The following SLC8B1 variants were observed in gnomAD, a reference collection of about 807,000 sequenced individuals.
The protein encoded by SLC8B1 is mitochondrial sodium/calcium exchanger protein.
A neutral mutation model predicts 63.4 loss-of-function variants in SLC8B1; 52 were observed. The ratio of observed to expected loss-of-function variants is 0.82; its 90% CI spans 0.66 to 1.03. SLC8B1 has a LOEUF of 1.03. Ranked by LOEUF, SLC8B1 falls within the 50% of genes least tolerant of loss-of-function variation. The pLI, the probability that SLC8B1 is intolerant of heterozygous loss-of-function variation, is 0.00. For missense variants in SLC8B1, 657 were observed against 741.7 expected (o/e 0.89, Z 1.33); for synonymous variants, 336 against 323.9 (o/e 1.04, Z -0.40).
intron 11 of SLC8B1, among the ~76,000 whole-genome samples, chr12:113,314,840 T>A (rs900590446): frequency 6.6e-6 from 1 of 152,196 alleles, no homozygotes; most frequent in African/African-American, 2.4e-5. Flanking sequence ...GCAGCCTCCA[T>A]CTGGGGCCAG....
intron 12 of SLC8B1, 33 bp downstream of exon 12, chr12:113,310,201 C>G (rs750516701): frequency 4.4e-6 from 7 of 1,593,786 alleles, no homozygotes; most frequent in South Asian, 1.1e-5. Flanking sequence ...CAGCATCCCT[C>G]CCCCCCCATC....
At chr12:113,325,565 ATT>A (rs57635916) in intron 2 of SLC8B1, among the ~76,000 whole-genome samples, 72 of 140,098 alleles carry the variant, frequency 5.1e-4, no homozygotes, top group African/African-American at 1.5e-3. Flanking sequence ...CCTGGCCTTA[ATT>A]TTTTTTTTTT....
intron 2 of SLC8B1, among the ~76,000 whole-genome samples, chr12:113,328,026 ATTT>A (rs542935929): frequency 0.11 from 16,934 of 147,312 alleles, 1,107 homozygotes; most frequent in African/African-American, 0.19. Context: ...AGTTTTAATT[ATTT>A]ATTTATTTAT....
rs747187895 is a variant in SLC8B1 at position 113,332,896 on chromosome 12, G to A, written c.-18C>T. 1.2e-6 allele frequency: 2 copies of A among 1,612,400 alleles called. No homozygotes were observed. Among genetic ancestry groups the A allele is most frequent in the East Asian group, 4.5e-5 (2 of 44,878 alleles). On this transcript the variant is annotated 5_prime_UTR_variant, in exon 2 of 16. Transcript: ENST00000680972. ...CCGGCCATCTGCCCCCACGGGGCCT[G>A]GCCCTTACTCTCCACTTCCCTTTCT...
intron 2 of SLC8B1, among the ~76,000 whole-genome samples, chr12:113,329,034 A>G (rs1957028137): frequency 6.6e-6 from 1 of 151,986 alleles, no homozygotes; most frequent in African/African-American, 2.4e-5. Context: ...TACAGGTGTG[A>G]GCCACCGCAC....
intron 8 of SLC8B1, among the ~76,000 whole-genome samples, chr12:113,318,067 G>A (rs994104588): frequency 6.6e-6 from 1 of 152,092 alleles, no homozygotes; most frequent in African/African-American, 2.4e-5. Flanking sequence ...TGTTGCATGT[G>A]TGCATATATT....
intron 2 of SLC8B1, among the ~76,000 whole-genome samples, chr12:113,321,778 C>T (rs917429848): frequency 2.1e-5 from 3 of 140,330 alleles, no homozygotes; most frequent in African/African-American, 8.9e-5. Context: ...TTGCTTTTAC[C>T]ATTATATATA....
intron 2 of SLC8B1, among the ~76,000 whole-genome samples, chr12:113,332,283 T>G (rs1044919178): frequency 1.8e-4 from 27 of 152,192 alleles, no homozygotes; most frequent in Non-Finnish European, 8.8e-5. Context: ...CTCTTTTTTT[T>G]GTTGTTGAGA....
intron 8 of SLC8B1, among the ~76,000 whole-genome samples, chr12:113,318,100 A>T (rs1309158028): frequency 6.6e-6 from 1 of 151,462 alleles, no homozygotes; most frequent in East Asian, 1.9e-4. Context: ...ATGTGTGCGC[A>T]TGTTTGTATA....
In SLC8B1 at chr12:113,299,988, AG is replaced by A; in HGVS notation, c.1558-15del. On this transcript the variant is annotated splice_polypyrimidine_tract_variant and intron_variant, in intron 15 of 15. Transcript: ENST00000680972. ...GTCTGGCTCCAGCTGTGGAAGAATG[AG>A]GGGAGAGAGGCTGAGTCACTGCCCG... 3 of 1,611,146 alleles carry A rather than the reference AG, an allele frequency of 1.9e-6. No homozygotes were observed. Among genetic ancestry groups the A allele is most frequent in the Middle Eastern group, 4.1e-4 (2 of 4,850 alleles).
At chr12:113,307,912 C>A in intron 12 of SLC8B1, 68 bp from the exon 13 acceptor site, 1 of 1,554,886 alleles carries the variant, frequency 6.4e-7, no homozygotes. Flanking sequence ...CAGTTCCTCA[C>A]CTGTGAAACG....
Position 113,315,528 on chromosome 12 carries a change from G to A in SLC8B1, c.994-52C>T, listed in dbSNP as rs1267185307. The A allele has an allele frequency of 1.2e-5, 18 of 1,489,804 alleles. No individual in the cohort carries two copies. In the Admixed American group the frequency reaches 1.8e-4, roughly 15 times the overall value. 92.3% of individuals were successfully genotyped at this position (1,489,804 alleles called of 1,614,324 possible). A position where few individuals can be genotyped will look rare whatever the true frequency, so the allele number is the denominator to read the frequency against. ...TGTCGGCAGGGAAGTCTGAATCCCA[G>A]CCGGCCACAGATGGACTTCAGTGAC... On this transcript the variant is annotated intron_variant, in intron 10 of 15. Transcript: ENST00000680972.
At chr12:113,326,445 G>C (rs1004390880) in intron 2 of SLC8B1, among the ~76,000 whole-genome samples, 2 of 152,126 alleles carry the variant, frequency 1.3e-5, no homozygotes, top group African/African-American at 4.8e-5. Flanking sequence ...TCAGCTCACT[G>C]CAACCTTTGC....
At chr12:113,327,553 C>T (rs547805077) in intron 2 of SLC8B1, among the ~76,000 whole-genome samples, 20 of 151,580 alleles carry the variant, frequency 1.3e-4, no homozygotes, top group Middle Eastern at 3.4e-3. Flanking sequence ...GGCACGGTGG[C>T]GTGTGCCTGT....
intron 2 of SLC8B1, among the ~76,000 whole-genome samples, chr12:113,328,745 CTTTTT>C (rs557008297): frequency 7.2e-6 from 1 of 139,778 alleles, no homozygotes; most frequent in Non-Finnish European, 1.6e-5. Flanking sequence ...CTCCCAGTTA[CTTTTT>C]TTTTTTTTTT....
chr12:113,319,284 A>G, intron 7 of SLC8B1: 1 of 521,106 alleles, frequency 1.9e-6, no homozygotes. Context: ...GCAATCAAGG[A>G]GGTAATACCC....
chr12:113,300,052 G>C, intron 15 of SLC8B1, 78 bp from the exon 16 acceptor site: 1 of 1,323,588 alleles, frequency 7.6e-7, no homozygotes, highest in South Asian at 1.2e-5. Context: ...ACACAACAAT[G>C]CAGCCTCAAC....
At position 113,332,608 on chromosome 12, in the gene SLC8B1, C is replaced by G. The variant is rs1180947693; in HGVS notation, c.156+115G>C. ...GTAGTGAATTTTGTCTCTATTGTTC[C>G]CCGGTATATCCCAGGCTGCGGTCAG... On this transcript the variant is annotated intron_variant, in intron 2 of 15. Coordinates refer to ENST00000680972, the MANE Select transcript of SLC8B1 (RefSeq NM_001358345.2). 4 of 1,262,104 alleles carry G rather than the reference C, an allele frequency of 3.2e-6. No individual in the cohort carries two copies. The African/African-American group carries it at 6.1e-5, about 19-fold the overall frequency. The allele number at this position is 1,262,104 out of a possible 1,614,324, so 78.2% of individuals were successfully genotyped here. A position where few individuals can be genotyped will look rare whatever the true frequency, so the allele number is the denominator to read the frequency against.
chr12:113,303,885 T>C (rs1352159700), intron 15 of SLC8B1, among the ~76,000 whole-genome samples: 1 of 152,038 alleles, frequency 6.6e-6, no homozygotes, highest in Non-Finnish European at 1.5e-5. Flanking sequence ...ACTCCATTTT[T>C]TCCCTTTTTT....
Sources: gnomAD v4.1 joint callset for allele counts (sites outside exome capture counted in the v4.1 genomes callset) on GRCh38, gnomAD v4.1.1 for gene constraint, MANE v1.5 for transcripts, NCBI Gene and HGNC (gene_info 2026-07-23, HGNC 2026-07-21) for gene names.